The following KLB variants were observed in gnomAD, a reference collection of about 807,000 sequenced individuals.
KLB encodes beta-klotho.
In KLB, 44 loss-of-function variants were observed where a neutral mutation model predicts 88.4. That is an observed-to-expected ratio of 0.50 (90% CI 0.39 to 0.64). The LOEUF (loss-of-function observed/expected upper bound fraction) is 0.64. Among genes scored for constraint, KLB ranks in the 30% least tolerant of loss-of-function variants. The pLI, the probability that KLB is intolerant of heterozygous loss-of-function variation, is 0.00. For synonymous variants in KLB, 548 were observed against 513.4 expected, an observed-to-expected ratio of 1.07 and a Z score of -0.91; for missense variants, 1,137 against 1,304.8, an observed-to-expected ratio of 0.87 and a Z score of 1.98.
Position 39,451,376 on chromosome 4 carries a change from C to T in KLB, c.*2690C>T, listed in dbSNP as rs1296825397. 3.3e-5 allele frequency: 5 copies of T among 152,188 alleles called. No homozygotes were observed. Among genetic ancestry groups the T allele is most frequent in the Non-Finnish European group, 7.3e-5 (5 of 68,032 alleles). The allele number at this position is 152,188 out of a possible 1,614,324, so 9.4% of individuals were successfully genotyped here. On this transcript the variant is annotated 3_prime_UTR_variant, in exon 5 of 5. Coordinates refer to ENST00000257408, the MANE Select transcript of KLB (RefSeq NM_175737.4). ...CTGAGATGTGTTGTGAAAAATCTAA[C>T]GTGTTTATCGTATATTCAATGTAAC...
chr4:39,428,660 G>A (rs557725492), intron 1 of KLB, among the ~76,000 whole-genome samples: 134 of 152,138 alleles, frequency 8.8e-4, no homozygotes, highest in Middle Eastern at 3.4e-3. Context: ...CAAAAACAGC[G>A]TGGAAGATGT....
intron 3 of KLB, among the ~76,000 whole-genome samples, chr4:39,438,349 A>G (rs547017242): frequency 6.6e-6 from 1 of 152,314 alleles, no homozygotes; most frequent in South Asian, 2.1e-4. Context: ...TGCCAAAAGC[A>G]AATTATTAGC....
intron 3 of KLB, among the ~76,000 whole-genome samples, chr4:39,445,547 G>A (rs1414245068): frequency 2.8e-5 from 4 of 141,744 alleles, no homozygotes; most frequent in African/African-American, 5.1e-5. Context: ...TCTTGTTGCC[G>A]AGGCTGGAGT....
intron 1 of KLB, 146 bp from the exon 2 acceptor site, chr4:39,434,064 C>A: frequency 2.8e-6 from 2 of 726,198 alleles, no homozygotes; most frequent in Non-Finnish European, 4.5e-6. Flanking sequence ...AGAGAACAGA[C>A]TTTGAGGTCA....
intron 1 of KLB, among the ~76,000 whole-genome samples, chr4:39,430,934 TGAG>T (rs1743345619): frequency 6.9e-6 from 1 of 144,008 alleles, no homozygotes. Flanking sequence ...TTTTTTCCCC[TGAG>T]TCAGGGTGTC....
Position 39,417,304 on chromosome 4 carries a change from T to TTTTGTTTG in KLB, c.825+9551_825+9558dup, listed in dbSNP as rs202029882. ...CCCCTCCCACATCAAAAAAGTGGTT[T>TTTTGTTTG]TTTGTTTGTTTGTTTGTTTGTTTGT... On this transcript the variant is annotated intron_variant, in intron 1 of 4. Coordinates refer to ENST00000257408, the MANE Select transcript of KLB (RefSeq NM_175737.4). Among the ~76,000 whole-genome samples the TTTTGTTTG allele has an allele frequency of 2.1e-3, 321 of 151,900 alleles. 2 individuals are homozygous for TTTTGTTTG. Among genetic ancestry groups the TTTTGTTTG allele is most frequent in the African/African-American group, 7.2e-3 (299 of 41,422 alleles).
rs1004769398 is a variant in KLB at position 39,446,229 on chromosome 4, T to G, written c.1606-103T>G. The G allele has an allele frequency of 9.9e-7, 1 of 1,013,528 alleles. No homozygotes were observed. 62.8% of individuals were successfully genotyped at this position (1,013,528 alleles called of 1,614,324 possible). On this transcript the variant is annotated intron_variant, in intron 3 of 4. Transcript: ENST00000257408. The surrounding 1 kb of genome is among the most constrained non-coding windows in gnomAD (Gnocchi z 6.4). ...TTCAAGGGCTGGAATAGGCCTGGCG[T>G]GGTGGCCTGTAATCCCAGCACTTTG...
At chr4:39,447,539 G>GA in intron 4 of KLB, 64 bp downstream of exon 4, 3 of 1,364,840 alleles carry the variant, frequency 2.2e-6, no homozygotes, top group Non-Finnish European at 3.0e-6. Flanking sequence ...CAAGAACAAA[G>GA]AATGGGAGCA....
chr4:39,410,619 A>G (rs1443515714), intron 1 of KLB, among the ~76,000 whole-genome samples: 1 of 152,232 alleles, frequency 6.6e-6, no homozygotes, highest in Non-Finnish European at 1.5e-5. Flanking sequence ...TTTCACGTAG[A>G]AAACATTAAT....
rs1743420507 is a variant in KLB at position 39,434,208 on chromosome 4, A to C, written c.826-2A>C. On this transcript the variant is annotated splice_acceptor_variant, in intron 1 of 4. Transcript: ENST00000257408. LOFTEE classifies it high-confidence loss of function. Reference sequence around the variant, plus strand: ...AAGATCAATAATATTTTCTTCTTTTAGGCTCACTCGAAAGTTTGGCATAAC... The same window carrying C: ...AAGATCAATAATATTTTCTTCTTTTCGGCTCACTCGAAAGTTTGGCATAAC... 6.3e-7 allele frequency: 1 copy of C among 1,598,110 alleles called. No individual in the cohort carries two copies.
chr4:39,438,316 A>G (rs1743526803), intron 3 of KLB, among the ~76,000 whole-genome samples: 1 of 152,126 alleles, frequency 6.6e-6, no homozygotes. Context: ...AATGATAGGA[A>G]ATTTGTTTTC....
intron 3 of KLB, among the ~76,000 whole-genome samples, chr4:39,443,309 G>A (rs1208495518): frequency 6.6e-6 from 1 of 151,612 alleles, no homozygotes; most frequent in Non-Finnish European, 1.5e-5. Flanking sequence ...GATCACTTGA[G>A]CCCAGGTGGT....
rs182038285 is a variant in KLB at position 39,435,315 on chromosome 4, A to C, written c.1336+595A>C. Among the ~76,000 whole-genome samples the C allele has an allele frequency of 1.3e-3, 198 of 150,742 alleles. 1 individual carries two copies. The highest frequency in any genetic ancestry group is 4.1e-3 in the African/African-American group (169 of 40,932). ...TATATTTTGGTAGAGATGGAGTTAC[A>C]TCATGTTGGCCAGGCTGGTCTCGAG... On this transcript the variant is annotated intron_variant, in intron 2 of 4. Coordinates refer to ENST00000257408, the MANE Select transcript of KLB (RefSeq NM_175737.4).
rs929128928 is a variant in KLB, at chr4:39,424,516, G to A, written c.826-9694G>A. 1.6e-4 allele frequency among the ~76,000 whole-genome samples: 24 copies of A among 151,752 alleles called. 1 individual carries two copies. The highest frequency in any genetic ancestry group is 4.9e-4 in the African/African-American group (20 of 41,030). On this transcript the variant is annotated intron_variant, in intron 1 of 4. Transcript: ENST00000257408. ...TTCTAGGGACGTAGGTAAGCAAGGC[G>A]ACCTGAAGCTAAAGCTTCATTAGGC...
In KLB at chr4:39,434,655, G is replaced by A. The variant is rs369568090; in HGVS notation, c.1271G>A (p.Arg424His). ...GAGAATGGCTGGTTCACAGACAGTC[G>A]TGTGAAAACAGAAGACACCACGGCC... is the stretch of plus-strand genomic sequence containing the variant. Reference protein sequence around the residue: ...IAENGWFTDSRVKTEDTTAIY... With the variant: ...IAENGWFTDSHVKTEDTTAIY... The change falls in exon 2 of 5, where the codon CGT (arginine) becomes CAT (histidine). Residue 424 changes from arginine (R) to histidine (H), a missense_variant. This residue lies in a region of KLB where 597 missense variants were observed against 765.2 expected (regional missense o/e 0.78). Coordinates refer to ENST00000257408, the MANE Select transcript of KLB (RefSeq NM_175737.4). The A allele has an allele frequency of 8.1e-5, 130 of 1,613,540 alleles. No individual in the cohort carries two copies. The highest frequency in any genetic ancestry group is 3.1e-4 in the East Asian group (14 of 44,898).
chr4:39,426,526 C>T (rs1743221761), intron 1 of KLB, among the ~76,000 whole-genome samples: 1 of 150,394 alleles, frequency 6.6e-6, no homozygotes, highest in South Asian at 2.1e-4. Context: ...TAAATTCTTT[C>T]CTAAGAAAAG....
In KLB at chr4:39,448,770, T is replaced by C. The variant is rs55780789; in HGVS notation, c.*84T>C. On this transcript the variant is annotated 3_prime_UTR_variant, in exon 5 of 5. Coordinates refer to ENST00000257408, the MANE Select transcript of KLB (RefSeq NM_175737.4). ...ACTTACAGGAGATATACCTGTATTA[T>C]AGAAAGACAATCTGAGATACAGCTG... 23 of 1,298,988 alleles carry C rather than the reference T, an allele frequency of 1.8e-5. No homozygotes were observed. The East Asian group carries it at 2.1e-4, about 12-fold the overall frequency. 80.5% of individuals were successfully genotyped at this position (1,298,988 alleles called of 1,614,324 possible).
At chr4:39,438,243 T>C (rs1743525663) in intron 3 of KLB, among the ~76,000 whole-genome samples, 1 of 152,210 alleles carries the variant, frequency 6.6e-6, no homozygotes. Context: ...TCAAGGAGCA[T>C]ACAGTCTAGA....
intron 1 of KLB, among the ~76,000 whole-genome samples, chr4:39,432,721 C>T (rs1220796220): frequency 6.6e-6 from 1 of 152,114 alleles, no homozygotes; most frequent in East Asian, 1.9e-4. Flanking sequence ...AGAAACCCAT[C>T]ACGAGGCTGT....
Sources: allele counts gnomAD v4.1 joint callset (sites outside exome capture counted in the v4.1 genomes callset), GRCh38; gene constraint gnomAD v4.1.1; regional missense constraint gnomAD v4.1.1; non-coding constraint Gnocchi (gnomAD v3.1); transcripts MANE v1.5; gene names NCBI Gene and HGNC (gene_info 2026-07-23, HGNC 2026-07-21).